IQSEC1: variants seen among roughly 807,000 people sequenced by gnomAD.
IQSEC1 encodes the protein IQ motif and Sec7 domain ArfGEF 1.
IQSEC1 carries 31 observed loss-of-function variants against 91.0 expected under a neutral mutation model. That is an observed-to-expected ratio of 0.34 (90% confidence interval 0.26 to 0.46). The LOEUF is 0.46. Among genes scored for constraint, IQSEC1 ranks in the 20% least tolerant of loss-of-function variants. IQSEC1 has a pLI of 1.00. For synonymous variants in IQSEC1, 699 were observed against 662.6 expected (o/e 1.05, Z -0.84); for missense variants, 1,388 against 1,575.6 (o/e 0.88, Z 2.02).
intron 2 of IQSEC1, among the ~76,000 whole-genome samples, chr3:13,138,244 C>T (rs74343196): frequency 0.014 from 2,146 of 152,182 alleles, 18 homozygotes; most frequent in Non-Finnish European, 0.021. Flanking sequence ...CTGGAGGCTC[C>T]CAGCGATCGA....
intron 1 of IQSEC1, among the ~76,000 whole-genome samples, chr3:13,183,232 T>C (rs909942598): frequency 6.6e-6 from 1 of 150,664 alleles, no homozygotes; most frequent in Non-Finnish European, 1.5e-5. Context: ...AAAAAGAAAT[T>C]AGAAAAAGAA....
intron 1 of IQSEC1, among the ~76,000 whole-genome samples, chr3:13,272,291 A>G (rs1309320137): frequency 1.3e-5 from 2 of 152,218 alleles, no homozygotes; most frequent in Non-Finnish European, 2.9e-5. Flanking sequence ...CTTACAATAA[A>G]TAGCCAGTCA....
In IQSEC1 at chr3:13,273,934, G is replaced by A. The variant is rs111689479; in HGVS notation, c.272+8777C>T. On this transcript the variant is annotated intron_variant, in intron 1 of 15. Transcript: ENST00000648114. ...CCGCTCCCTGCACCTCAACCACGCC[G>A]CCAGGCACACTCCCCACTCAGGGCA... 2.4e-3 allele frequency among the ~76,000 whole-genome samples: 363 copies of A among 152,050 alleles called. 2 individuals are homozygous for A. The highest frequency in any genetic ancestry group is 8.0e-3 in the African/African-American group (332 of 41,452).
intron 2 of IQSEC1, among the ~76,000 whole-genome samples, chr3:13,088,056 C>T: frequency 6.6e-6 from 1 of 152,190 alleles, no homozygotes; most frequent in Non-Finnish European, 1.5e-5. Context: ...GCACAGTCCC[C>T]CCACCCTGTC....
intron 1 of IQSEC1, among the ~76,000 whole-genome samples, chr3:13,196,000 T>C (rs1165076921): frequency 6.6e-6 from 1 of 152,246 alleles, no homozygotes; most frequent in Non-Finnish European, 1.5e-5. Context: ...CAATGGTCTC[T>C]GAATAGAAGG....
At chr3:13,250,250 A>G (rs562741206) in intron 1 of IQSEC1, among the ~76,000 whole-genome samples, 1 of 152,142 alleles carries the variant, frequency 6.6e-6, no homozygotes, top group Non-Finnish European at 1.5e-5. Flanking sequence ...GGTGGGAGCC[A>G]AGACAGCGAG....
In IQSEC1 at chr3:13,214,616, G is replaced by C. The variant is rs536297293; in HGVS notation, c.273-50483C>G. Among the ~76,000 whole-genome samples the C allele has an allele frequency of 4.6e-5, 7 of 152,354 alleles. No individual in the cohort carries two copies. The East Asian group carries it at 1.4e-3, about 29-fold the overall frequency. ...AGCAGAAGCCTGTGAGGTGAGGAGG[G>C]GGCACCTCCAGGAATCCACCCTGGC... On this transcript the variant is annotated intron_variant, in intron 1 of 15. Transcript: ENST00000648114. The surrounding 1 kb of genome is among the most constrained non-coding windows in gnomAD (Gnocchi z 4.5).
Position 12,908,658 on chromosome 3 carries a change from A to G in IQSEC1, c.2579-133T>C, listed in dbSNP as rs1364033641. ...GGAATGGGGAAGGGTTGTTTCTGGG[A>G]AAGAGGGTGTGATGGCCACCCTGGA... On this transcript the variant is annotated intron_variant, in intron 11 of 13. Coordinates refer to ENST00000613206, the MANE Select transcript of IQSEC1 (RefSeq NM_001134382.3). The surrounding 1 kb of genome is among the most constrained non-coding windows in gnomAD (Gnocchi z 4.9). 8 of 1,002,960 alleles carry G rather than the reference A, an allele frequency of 8.0e-6. No homozygotes were observed. The highest frequency in any genetic ancestry group is 5.9e-6 in the Non-Finnish European group (4 of 674,944). The allele number at this position is 1,002,960 out of a possible 1,614,324, so 62.1% of individuals were successfully genotyped here. A position where few individuals can be genotyped will look rare whatever the true frequency, so the allele number is the denominator to read the frequency against.
At chr3:13,278,627 T>G (rs2125156770) in intron 1 of IQSEC1, among the ~76,000 whole-genome samples, 1 of 152,290 alleles carries the variant, frequency 6.6e-6, no homozygotes, top group Non-Finnish European at 1.5e-5. Flanking sequence ...CAGAGCAGCC[T>G]GACCAACATG....
chr3:12,927,118 C>T (rs1697212885), intron 3 of IQSEC1, among the ~76,000 whole-genome samples: 1 of 152,214 alleles, frequency 6.6e-6, no homozygotes, highest in Non-Finnish European at 1.5e-5. Context: ...ATGCCAGCAC[C>T]AGCCCACACC....
At chr3:13,183,424 G>A (rs752866519) in intron 1 of IQSEC1, among the ~76,000 whole-genome samples, 1 of 148,518 alleles carries the variant, frequency 6.7e-6, no homozygotes, top group Non-Finnish European at 1.5e-5. Context: ...AAATTAGCTG[G>A]GCATGGTGGT....
At chr3:13,111,320 T>C (rs1169855257) in intron 2 of IQSEC1, among the ~76,000 whole-genome samples, 2 of 152,232 alleles carry the variant, frequency 1.3e-5, no homozygotes, top group African/African-American at 2.4e-5. Context: ...CTCTGCTACC[T>C]TGGCAGCCTC....
chr3:13,093,838 C>T (rs558538111), intron 2 of IQSEC1, among the ~76,000 whole-genome samples: 2 of 152,332 alleles, frequency 1.3e-5, no homozygotes, highest in South Asian at 4.1e-4. Context: ...GTTCTCAGCA[C>T]CCTCTAGGTC....
At position 12,936,022 on chromosome 3, in the gene IQSEC1, G is replaced by T; in HGVS notation, c.994C>A (p.Leu332Met). 6.2e-7 allele frequency: 1 copy of T among 1,601,628 alleles called. No individual in the cohort carries two copies. Residue 332 changes from leucine (L) to methionine (M), a missense_variant, in exon 3 of 14, where the codon CTG becomes ATG. By Grantham distance (15) the Leu-to-Met change is conservative. Transcript: ENST00000613206. Reference protein sequence around the residue: ...AGGAAPDYWALAHKEDKADTD... With the variant: ...AGGAAPDYWAMAHKEDKADTD... ...TCAGCCTTGTCCTCTTTGTGGGCCA[G>T]GGCCCAGTAGTCTGGGGCTGCGCCC...
intron 1 of IQSEC1, among the ~76,000 whole-genome samples, chr3:13,254,743 G>A (rs925917372): frequency 6.6e-6 from 1 of 152,220 alleles, no homozygotes; most frequent in Non-Finnish European, 1.5e-5. Flanking sequence ...CCAGCGAGCA[G>A]CAGGTGGCAG....
intron 1 of IQSEC1, among the ~76,000 whole-genome samples, chr3:12,959,932 C>A (rs374576531): frequency 4.6e-5 from 7 of 152,148 alleles, no homozygotes; most frequent in East Asian, 1.9e-4. Flanking sequence ...AAATCTCAAA[C>A]CCTGCTCATT....
chr3:13,147,112 C>G (rs1218543570), intron 2 of IQSEC1, among the ~76,000 whole-genome samples: 1 of 152,218 alleles, frequency 6.6e-6, no homozygotes, highest in Non-Finnish European at 1.5e-5. Context: ...AGGGGCTAGC[C>G]AGGGATGAGG....
At chr3:12,910,165 G>A (rs1297816192) in intron 10 of IQSEC1, among the ~76,000 whole-genome samples, 9 of 152,242 alleles carry the variant, frequency 5.9e-5, no homozygotes, top group Non-Finnish European at 1.0e-4. Flanking sequence ...TTGATGTAGA[G>A]ACTGGCTCAG....
At position 12,899,637 on chromosome 3, in the gene IQSEC1, T is replaced by C; in HGVS notation, c.*1346A>G. On this transcript the variant is annotated 3_prime_UTR_variant, in exon 14 of 14. Coordinates refer to ENST00000613206, the MANE Select transcript of IQSEC1 (RefSeq NM_001134382.3). Reference sequence around the variant, plus strand: ...TCGGCTGGGGTCACACGGGCCACGGTGAGGACACAGGGGTTCTGCTAGCAC... The same window carrying C: ...TCGGCTGGGGTCACACGGGCCACGGCGAGGACACAGGGGTTCTGCTAGCAC... 4 of 985,286 alleles carry C rather than the reference T, an allele frequency of 4.1e-6. No individual in the cohort carries two copies. The highest frequency in any genetic ancestry group is 4.8e-6 in the Non-Finnish European group (4 of 829,892). The allele number at this position is 985,286 out of a possible 1,614,324, so 61.0% of individuals were successfully genotyped here.
Sources: gnomAD v4.1 joint callset for allele counts (sites outside exome capture counted in the v4.1 genomes callset) on GRCh38, gnomAD v4.1.1 for gene constraint, Gnocchi (gnomAD v3.1) non-coding constraint, MANE v1.5 for transcripts, NCBI Gene and HGNC (gene_info 2026-07-23, HGNC 2026-07-21) for gene names.